Variants in CNTN5 observed in about 807,000 individuals in gnomAD.
CNTN5 encodes contactin-5.
CNTN5 carries 77 observed loss-of-function variants against 129.1 expected under a neutral mutation model. The observed-to-expected ratio is 0.60, with a 90% CI of 0.50 to 0.72. CNTN5 has a LOEUF of 0.72. Among genes scored for constraint, CNTN5 ranks in the 30% least tolerant of loss-of-function variants. CNTN5 has a pLI of 0.00. For missense variants in CNTN5, 1,478 were observed against 1,328.8 expected, an observed-to-expected ratio of 1.11 and a Z score of -1.75; for synonymous variants, 509 against 465.6, an observed-to-expected ratio of 1.09 and a Z score of -1.20.
chr11:99,377,087 A>T (rs539489055), intron 2 of CNTN5, among the ~76,000 whole-genome samples: 1 of 152,246 alleles, frequency 6.6e-6, no homozygotes, highest in African/African-American at 2.4e-5. Context: ...TCTGTCAGGA[A>T]GCGGGTCAAT....
chr11:100,012,336 G>C (rs779714379), intron 9 of CNTN5, among the ~76,000 whole-genome samples: 2 of 152,136 alleles, frequency 1.3e-5, no homozygotes, highest in Admixed American at 1.3e-4. Context: ...ACTTCTCAAG[G>C]AATGGCTAGA....
intron 6 of CNTN5, among the ~76,000 whole-genome samples, chr11:99,847,430 T>G (rs1295721211): frequency 6.6e-6 from 1 of 152,208 alleles, no homozygotes; most frequent in Admixed American, 6.5e-5. Context: ...GAGCAATATC[T>G]GCTTATTTTT....
chr11:100,344,008 T>C (rs749709493), intron 23 of CNTN5, among the ~76,000 whole-genome samples: 10 of 152,116 alleles, frequency 6.6e-5, no homozygotes, highest in Non-Finnish European at 1.3e-4. Context: ...CTTGGAACAT[T>C]TGAAGCAGAA....
chr11:99,379,312 T>G (rs529197361), intron 2 of CNTN5, among the ~76,000 whole-genome samples: 32 of 151,774 alleles, frequency 2.1e-4, no homozygotes, highest in African/African-American at 7.7e-4. Context: ...TTTTATATTA[T>G]CTCTAACTTA....
chr11:100,216,011 A>T (rs1386849581), intron 15 of CNTN5, among the ~76,000 whole-genome samples: 2 of 152,186 alleles, frequency 1.3e-5, no homozygotes, highest in Non-Finnish European at 2.9e-5. Context: ...ACCACAAAGG[A>T]GGTACACAAA....
intron 3 of CNTN5, among the ~76,000 whole-genome samples, chr11:99,786,376 A>T (rs771107471): frequency 4.6e-5 from 7 of 151,750 alleles, no homozygotes; most frequent in Non-Finnish European, 7.3e-5. Flanking sequence ...ATGGAAAAAC[A>T]TTCCATGCCC....
At chr11:99,297,017 A>G (rs1181592712) in intron 1 of CNTN5, among the ~76,000 whole-genome samples, 2 of 152,234 alleles carry the variant, frequency 1.3e-5, no homozygotes, top group African/African-American at 4.8e-5. Flanking sequence ...CTACTGAGCT[A>G]TAGCACAGGG....
Position 99,792,596 on chromosome 11 carries a change from T to TCTGC in CNTN5, c.56-26947_56-26944dup, listed in dbSNP as rs1331678673. On this transcript the variant is annotated intron_variant, in intron 3 of 24. Coordinates refer to ENST00000524871, the MANE Select transcript of CNTN5 (RefSeq NM_014361.4). ...GTGTGTCTGTCTGTCTGTCTGTCTGTCTGCAAGGTTTTGGTATTAAGATGA... is the reference window on the plus strand; with the variant it reads ...GTGTGTCTGTCTGTCTGTCTGTCTGTCTGCCTGCAAGGTTTTGGTATTAAGATGA... Among the ~76,000 whole-genome samples the TCTGC allele has an allele frequency of 1.7e-4, 26 of 150,804 alleles. 1 individual carries two copies. The Middle Eastern group carries it at 0.01, about 60-fold the overall frequency.
rs1215257428 is a variant in CNTN5 at position 100,168,442 on chromosome 11, G to T, written c.1581-22684G>T. Among the ~76,000 whole-genome samples, 7 of 152,012 alleles carry T rather than the reference G, an allele frequency of 4.6e-5. No homozygotes were observed. The East Asian group carries it at 1.4e-3, about 30-fold the overall frequency. ...CATTTAATACTCCAAAAATTGTAGG[G>T]CTCTTGAGAATTATGCTAAATCTAC... On this transcript the variant is annotated intron_variant, in intron 13 of 24. Transcript: ENST00000524871.
At chr11:99,187,353 A>G (rs1858405247) in intron 1 of CNTN5, among the ~76,000 whole-genome samples, 1 of 151,884 alleles carries the variant, frequency 6.6e-6, no homozygotes, top group East Asian at 1.9e-4. Flanking sequence ...CTGCCCATCT[A>G]CTGGGGTTTT....
intron 21 of CNTN5, among the ~76,000 whole-genome samples, chr11:100,323,641 C>T (rs1308784385): frequency 7.8e-6 from 1 of 128,856 alleles, no homozygotes; most frequent in South Asian, 2.6e-4. Context: ...CCTCCTCCCC[C>T]CCCCTTCTTT....
chr11:100,075,789 C>T (rs367715252), intron 13 of CNTN5, among the ~76,000 whole-genome samples: 1 of 152,014 alleles, frequency 6.6e-6, no homozygotes, highest in Non-Finnish European at 1.5e-5. Flanking sequence ...CTATGATCTG[C>T]CTTGGGGGAG....
At chr11:99,413,856 T>C (rs2135021545) in intron 2 of CNTN5, among the ~76,000 whole-genome samples, 1 of 152,310 alleles carries the variant, frequency 6.6e-6, no homozygotes, top group Admixed American at 6.5e-5. Context: ...TTATTTATAA[T>C]CTCAACTATT....
rs1267886774 is a variant in CNTN5, at chr11:99,247,577, C to T, written c.-209-77769C>T. Among the ~76,000 whole-genome samples, 3 of 152,048 alleles carry T rather than the reference C, an allele frequency of 2.0e-5. No homozygotes were observed. In the South Asian group the frequency reaches 6.2e-4, roughly 32 times the overall value. ...TTGCACCCATTAACTCGTCATTTAACATTAGGTATATCTCCTAATGCTATC... is the reference window on the plus strand; with the variant it reads ...TTGCACCCATTAACTCGTCATTTAATATTAGGTATATCTCCTAATGCTATC... On this transcript the variant is annotated intron_variant, in intron 1 of 24. Coordinates refer to ENST00000524871, the MANE Select transcript of CNTN5 (RefSeq NM_014361.4).
At chr11:100,085,391 T>C (rs1238826601) in intron 13 of CNTN5, among the ~76,000 whole-genome samples, 2 of 152,026 alleles carry the variant, frequency 1.3e-5, no homozygotes, top group Non-Finnish European at 2.9e-5. Context: ...CCAAAACTCC[T>C]TCACCCTCAT....
At chr11:99,023,471 G>A (rs1862976103) in intron 1 of CNTN5, among the ~76,000 whole-genome samples, 1 of 152,152 alleles carries the variant, frequency 6.6e-6, no homozygotes, top group Non-Finnish European at 1.5e-5. Flanking sequence ...GGCCCGCATA[G>A]GCTGGCCAAA....
intron 1 of CNTN5, among the ~76,000 whole-genome samples, chr11:99,073,246 T>C (rs775062772): frequency 2.0e-5 from 3 of 152,180 alleles, no homozygotes; most frequent in South Asian, 2.1e-4. Flanking sequence ...CAAAGGGAGA[T>C]GGTTGAGTCA....
chr11:99,228,136 T>A (rs2135720301), intron 1 of CNTN5, among the ~76,000 whole-genome samples: 1 of 152,264 alleles, frequency 6.6e-6, no homozygotes, highest in African/African-American at 2.4e-5. Context: ...CATTTCTGAT[T>A]GTTTTACTGG....
intron 19 of CNTN5, 23 bp from the exon 20 acceptor site, chr11:100,299,139 T>A (rs1474348399): frequency 7.1e-7 from 1 of 1,415,084 alleles, no homozygotes; most frequent in East Asian, 2.4e-5. Flanking sequence ...TTGCTGATAA[T>A]TAATTATATT....
Sources: gnomAD v4.1 joint callset for allele counts (sites outside exome capture counted in the v4.1 genomes callset) on GRCh38, gnomAD v4.1.1 for gene constraint, MANE v1.5 for transcripts, NCBI Gene and HGNC (gene_info 2026-07-23, HGNC 2026-07-21) for gene names.